The following ERBB4 variants were observed in gnomAD, a reference collection of about 807,000 sequenced individuals.
ERBB4 encodes erb-b2 receptor tyrosine kinase 4.
In ERBB4, 42 loss-of-function variants were observed where a neutral mutation model predicts 158.0. The ratio of observed to expected loss-of-function variants is 0.27; its 90% CI spans 0.21 to 0.34. ERBB4 has a LOEUF of 0.34. Among genes scored for constraint, ERBB4 ranks in the 10% least tolerant of loss-of-function variants. The pLI is 1.00. For synonymous variants in ERBB4, 583 were observed against 558.7 expected (o/e 1.04, Z -0.61); for missense variants, 1,333 against 1,624.1 (o/e 0.82, Z 3.08).
chr2:211,931,605 A>C (rs2080178943), intron 3 of ERBB4, among the ~76,000 whole-genome samples: 1 of 151,730 alleles, frequency 6.6e-6, no homozygotes, highest in African/African-American at 2.4e-5. Flanking sequence ...GGTATTATCA[A>C]ATAATGAAAG....
At chr2:211,763,889 C>T (rs1321791814) in intron 4 of ERBB4, among the ~76,000 whole-genome samples, 2 of 145,274 alleles carry the variant, frequency 1.4e-5, no homozygotes, top group Admixed American at 6.9e-5. Flanking sequence ...CTTAGCTGTG[C>T]GTGTGTATAC....
At chr2:211,877,492 A>T (rs1304850099) in intron 3 of ERBB4, among the ~76,000 whole-genome samples, 2 of 152,086 alleles carry the variant, frequency 1.3e-5, no homozygotes, top group African/African-American at 4.8e-5. Context: ...TCTCACTATA[A>T]TCTATTATTC....
chr2:211,717,586 T>C (rs2073959593), intron 7 of ERBB4, among the ~76,000 whole-genome samples: 1 of 152,126 alleles, frequency 6.6e-6, no homozygotes, highest in Non-Finnish European at 1.5e-5. Context: ...TCCCAGCACT[T>C]TGGGAGGCCG....
At chr2:212,498,514 T>G (rs1192583645) in intron 1 of ERBB4, among the ~76,000 whole-genome samples, 2 of 152,130 alleles carry the variant, frequency 1.3e-5, no homozygotes, top group Non-Finnish European at 2.9e-5. Context: ...GTATTTTCAG[T>G]TAACTTCTAT....
At chr2:212,003,219 A>AAGAAAGAAAGACAGAC (rs1559294328) in intron 2 of ERBB4, among the ~76,000 whole-genome samples, 5 of 58,956 alleles carry the variant, frequency 8.5e-5, no homozygotes, top group Admixed American at 1.7e-4. Flanking sequence ...GAAAGAAGGA[A>AAGAAAGAAAGACAGAC]GGAAGGAAGG....
intron 9 of ERBB4, among the ~76,000 whole-genome samples, chr2:211,706,609 A>AAAC (rs2106056874): frequency 6.6e-6 from 1 of 151,992 alleles, no homozygotes; most frequent in African/African-American, 2.4e-5. Flanking sequence ...AACAAAAAAA[A>AAAC]AAAAAACAAA....
intron 3 of ERBB4, among the ~76,000 whole-genome samples, chr2:211,827,036 T>C (rs147680360): frequency 5.3e-5 from 8 of 152,110 alleles, no homozygotes; most frequent in Non-Finnish European, 1.2e-4. Flanking sequence ...CTGGGGGCTA[T>C]GAAATACATC....
intron 1 of ERBB4, among the ~76,000 whole-genome samples, chr2:212,153,169 C>T (rs1020804271): frequency 4.6e-5 from 7 of 152,152 alleles, no homozygotes; most frequent in South Asian, 2.1e-4. Context: ...TAAGCTTCAT[C>T]GTCATTTGCA....
chr2:212,232,555 C>T (rs1427741559), intron 1 of ERBB4, among the ~76,000 whole-genome samples: 1 of 152,098 alleles, frequency 6.6e-6, no homozygotes, highest in East Asian at 1.9e-4. Context: ...ACTACAGGCG[C>T]CTGCCACCAC....
chr2:211,791,645 T>C (rs955807019), intron 3 of ERBB4, among the ~76,000 whole-genome samples: 6 of 151,858 alleles, frequency 4.0e-5, no homozygotes, highest in African/African-American at 1.2e-4. Flanking sequence ...AATCAATTGA[T>C]AGAAAAAAGC....
intron 5 of ERBB4, among the ~76,000 whole-genome samples, chr2:211,749,105 C>A (rs2075055286): frequency 6.6e-6 from 1 of 152,136 alleles, no homozygotes; most frequent in Non-Finnish European, 1.5e-5. Context: ...TTTCATCTAA[C>A]CCTTTGACAA....
At position 212,097,039 on chromosome 2, in the gene ERBB4, C is replaced by G. The variant is rs377549682; in HGVS notation, c.234+27713G>C. 9.2e-5 allele frequency among the ~76,000 whole-genome samples: 14 copies of G among 152,198 alleles called. No homozygotes were observed. The East Asian group carries it at 2.7e-3, about 29-fold the overall frequency. On this transcript the variant is annotated intron_variant, in intron 2 of 27. Coordinates refer to ENST00000342788, the MANE Select transcript of ERBB4 (RefSeq NM_005235.3). ...GTTGGGCAATTGCATTTCATTTGGACAAAGCTTAATGAAGTAATTTAACAA... is the reference window on the plus strand; with the variant it reads ...GTTGGGCAATTGCATTTCATTTGGAGAAAGCTTAATGAAGTAATTTAACAA...
chr2:211,532,565 G>A (rs978196344), intron 20 of ERBB4, among the ~76,000 whole-genome samples: 1 of 152,008 alleles, frequency 6.6e-6, no homozygotes, highest in African/African-American at 2.4e-5. Context: ...TAAACATTCG[G>A]TCCTTAGTAC....
rs183029638 is a variant in ERBB4 at position 211,836,313 on chromosome 2, A to T, written c.422-48154T>A. Among the ~76,000 whole-genome samples, 7 of 152,240 alleles carry T rather than the reference A, an allele frequency of 4.6e-5. No individual in the cohort carries two copies. In the East Asian group the frequency reaches 1.4e-3, roughly 29 times the overall value. ...GAAAATAAGAACACACTTTCAGATCATAAGGTAAAAAGTCACAGGCAGAGT... is the reference window on the plus strand; with the variant it reads ...GAAAATAAGAACACACTTTCAGATCTTAAGGTAAAAAGTCACAGGCAGAGT... On this transcript the variant is annotated intron_variant, in intron 3 of 27. Coordinates refer to ENST00000342788, the MANE Select transcript of ERBB4 (RefSeq NM_005235.3).
chr2:212,086,951 G>A (rs1277146297), intron 2 of ERBB4, among the ~76,000 whole-genome samples: 1 of 151,888 alleles, frequency 6.6e-6, no homozygotes, highest in Admixed American at 6.6e-5. Flanking sequence ...CAACAGTTTC[G>A]AATAGAGCCT....
intron 1 of ERBB4, among the ~76,000 whole-genome samples, chr2:212,389,505 C>T (rs1239279317): frequency 6.6e-6 from 1 of 151,934 alleles, no homozygotes; most frequent in African/African-American, 2.4e-5. Context: ...AAAAATTCAA[C>T]TCTGGTCAAT....
At chr2:211,714,098 A>G (rs2073816594) in intron 7 of ERBB4, among the ~76,000 whole-genome samples, 1 of 152,192 alleles carries the variant, frequency 6.6e-6, no homozygotes, top group African/African-American at 2.4e-5. Flanking sequence ...AATGTGTTCT[A>G]TTTTTCAGTG....
intron 2 of ERBB4, among the ~76,000 whole-genome samples, chr2:212,039,478 G>C (rs1161884430): frequency 1.3e-5 from 2 of 151,990 alleles, no homozygotes; most frequent in African/African-American, 4.8e-5. Flanking sequence ...ATAGATTGAG[G>C]ACAGCTATAA....
At chr2:212,471,162 G>A (rs1689097879) in intron 1 of ERBB4, among the ~76,000 whole-genome samples, 1 of 152,072 alleles carries the variant, frequency 6.6e-6, no homozygotes, top group South Asian at 2.1e-4. Context: ...TTGAAGTGGT[G>A]CCTTTGTCTG....
Sources: gnomAD v4.1 joint callset for allele counts (sites outside exome capture counted in the v4.1 genomes callset) on GRCh38, gnomAD v4.1.1 for gene constraint, MANE v1.5 for transcripts, NCBI Gene and HGNC (gene_info 2026-07-23, HGNC 2026-07-21) for gene names.